The following SCHIP1 variants were observed in gnomAD, a reference collection of about 807,000 sequenced individuals.
SCHIP1 encodes the protein schwannomin-interacting protein 1.
Under a neutral mutation model 29.7 loss-of-function variants are expected in SCHIP1, and 8 were observed. The ratio of observed to expected loss-of-function variants is 0.27; its 90% CI spans 0.16 to 0.49. The LOEUF is 0.49. Ranked by LOEUF, SCHIP1 falls within the 20% of genes least tolerant of loss-of-function variation. The pLI is 0.99. For missense variants in SCHIP1, 193 were observed against 294.6 expected (o/e 0.66, Z 2.52); for synonymous variants, 76 against 94.9 (o/e 0.80, Z 1.16).
At chr3:159,428,470 G>C in the SCHIP1 span, among the ~76,000 whole-genome samples, 2 of 152,218 alleles carry the variant, frequency 1.3e-5, no homozygotes, top group African/African-American at 4.8e-5. Context: ...GGCCATCATA[G>C]AAACGCAAAT....
chr3:159,417,383 T>A, the SCHIP1 span, among the ~76,000 whole-genome samples: 1 of 152,184 alleles, frequency 6.6e-6, no homozygotes, highest in Admixed American at 6.5e-5. Context: ...GATAGAAAAG[T>A]ATTTCTTAAA....
At chr3:159,694,278 G>C in the SCHIP1 span, among the ~76,000 whole-genome samples, 2 of 150,668 alleles carry the variant, frequency 1.3e-5, no homozygotes, top group African/African-American at 5.0e-5. Flanking sequence ...ACAGCACTTT[G>C]GGAGGCCAAG....
At chr3:159,578,302 T>C in the SCHIP1 span, among the ~76,000 whole-genome samples, 5 of 152,198 alleles carry the variant, frequency 3.3e-5, no homozygotes, top group Admixed American at 6.6e-5. Flanking sequence ...GAAGTGCACA[T>C]TGAATTTTGA....
At chr3:159,742,174 C>T in the SCHIP1 span, among the ~76,000 whole-genome samples, 4 of 152,034 alleles carry the variant, frequency 2.6e-5, no homozygotes, top group Non-Finnish European at 5.9e-5. Flanking sequence ...TGCAGTGAGC[C>T]GAGATTGTGC....
At chr3:159,535,725 G>A in the SCHIP1 span, among the ~76,000 whole-genome samples, 3 of 152,178 alleles carry the variant, frequency 2.0e-5, no homozygotes, top group African/African-American at 7.2e-5. Flanking sequence ...ACAATGTTTA[G>A]AAGAAGGGTC....
chr3:159,776,558 T>G, the SCHIP1 span, among the ~76,000 whole-genome samples: 1 of 152,240 alleles, frequency 6.6e-6, no homozygotes, highest in African/African-American at 2.4e-5. Flanking sequence ...CATCTTACAG[T>G]GACCCCATCA....
chr3:159,756,531 T>C, the SCHIP1 span, among the ~76,000 whole-genome samples: 17 of 152,222 alleles, frequency 1.1e-4, no homozygotes, highest in South Asian at 6.2e-4. Flanking sequence ...GGGGCTGCTA[T>C]GAAGACCTAT....
the SCHIP1 span, among the ~76,000 whole-genome samples, chr3:159,509,184 A>T: frequency 6.6e-6 from 1 of 152,186 alleles, no homozygotes; most frequent in Non-Finnish European, 1.5e-5. Context: ...TAGGATAGTT[A>T]GCTCTTCTTG....
the SCHIP1 span, among the ~76,000 whole-genome samples, chr3:159,556,644 A>C: frequency 6.6e-5 from 10 of 151,594 alleles, no homozygotes; most frequent in South Asian, 1.0e-3. Context: ...TGGAAATCAT[A>C]ATTCTCAGTA....
chr3:159,668,538 G>T, the SCHIP1 span, among the ~76,000 whole-genome samples: 1 of 151,962 alleles, frequency 6.6e-6, no homozygotes, highest in African/African-American at 2.4e-5. Flanking sequence ...AGGACCAGGT[G>T]GATGGCGTGT....
At chr3:159,287,037 T>C in the SCHIP1 span, among the ~76,000 whole-genome samples, 2 of 152,304 alleles carry the variant, frequency 1.3e-5, no homozygotes, top group East Asian at 1.9e-4. Context: ...ACTCTGGTGA[T>C]AGTTTCTTTT....
chr3:159,414,996 G>T, the SCHIP1 span, among the ~76,000 whole-genome samples: 18 of 152,042 alleles, frequency 1.2e-4, no homozygotes, highest in Admixed American at 1.2e-3. Context: ...TGCAGCCCAG[G>T]GGTCGCAGAC....
the SCHIP1 span, among the ~76,000 whole-genome samples, chr3:159,427,732 A>T: frequency 2.6e-5 from 4 of 151,980 alleles, no homozygotes; most frequent in Non-Finnish European, 5.9e-5. Flanking sequence ...AGCCCGCATC[A>T]CCGAGTCAAT....
chr3:159,660,215 C>T, the SCHIP1 span, among the ~76,000 whole-genome samples: 8 of 151,964 alleles, frequency 5.3e-5, no homozygotes, highest in African/African-American at 1.9e-4. Flanking sequence ...ATCTCTACCA[C>T]GCAAATGATG....
chr3:159,310,394 A>G, the SCHIP1 span, among the ~76,000 whole-genome samples: 1 of 152,166 alleles, frequency 6.6e-6, no homozygotes, highest in Non-Finnish European at 1.5e-5. Flanking sequence ...TTAAAAAATG[A>G]CAAAAATCTA....
At chr3:159,512,934 G>A in the SCHIP1 span, among the ~76,000 whole-genome samples, 88 of 152,214 alleles carry the variant, frequency 5.8e-4, no homozygotes, top group Non-Finnish European at 8.7e-4. Context: ...ACAAATCAGC[G>A]AGAACATGTG....
At chr3:159,889,898 C>T (rs1717323927) in intron 5 of SCHIP1, among the ~76,000 whole-genome samples, 1 of 151,982 alleles carries the variant, frequency 6.6e-6, no homozygotes, top group South Asian at 2.1e-4. Context: ...AGATCGAGAC[C>T]ATCCTGGCTA....
At chr3:159,890,084 G>A (rs1450511202) in intron 5 of SCHIP1, among the ~76,000 whole-genome samples, 1 of 148,440 alleles carries the variant, frequency 6.7e-6, no homozygotes, top group African/African-American at 2.5e-5. Context: ...GACAGAGCGA[G>A]ACACCATCTC....
chr3:159,423,528 C>T, the SCHIP1 span, among the ~76,000 whole-genome samples: 2 of 152,230 alleles, frequency 1.3e-5, no homozygotes, highest in Non-Finnish European at 2.9e-5. Context: ...ATTGCCCAGG[C>T]TTGCTTAGGT....
Sources: gnomAD v4.1 joint callset for allele counts (sites outside exome capture counted in the v4.1 genomes callset) on GRCh38, gnomAD v4.1.1 for gene constraint, MANE v1.5 for transcripts, NCBI Gene and HGNC (gene_info 2026-07-23, HGNC 2026-07-21) for gene names.